The following CRACD variants were observed in gnomAD, a reference collection of about 807,000 sequenced individuals.
The protein encoded by CRACD is capping protein-inhibiting regulator of actin dynamics.
A neutral mutation model predicts 106.8 loss-of-function variants in CRACD; 56 were observed. The ratio of observed to expected loss-of-function variants is 0.52; its 90% confidence interval spans 0.42 to 0.66. CRACD has a LOEUF of 0.66. CRACD is among the 30% of genes least tolerant of loss of function. The pLI, the probability that CRACD is intolerant of heterozygous loss-of-function variation, is 0.00. For synonymous variants in CRACD, 754 were observed against 670.8 expected (o/e 1.12, Z -1.92); for missense variants, 1,730 against 1,623.2 (o/e 1.07, Z -1.13).
intron 2 of CRACD, among the ~76,000 whole-genome samples, chr4:56,240,886 C>T (rs1740329388): frequency 1.3e-5 from 2 of 152,196 alleles, no homozygotes; most frequent in African/African-American, 2.4e-5. Context: ...AGCTGTGCTG[C>T]ACCCCCAAGA....
At chr4:56,110,198 T>C (rs1461178082) in intron 1 of CRACD, among the ~76,000 whole-genome samples, 1 of 152,112 alleles carries the variant, frequency 6.6e-6, no homozygotes, top group Non-Finnish European at 1.5e-5. Context: ...AGTAAAAAAA[T>C]ATAGTAAGAA....
chr4:56,178,438 G>A (rs971797805), intron 1 of CRACD, among the ~76,000 whole-genome samples: 6 of 152,140 alleles, frequency 3.9e-5, no homozygotes, highest in East Asian at 1.9e-4. Flanking sequence ...CCTTAAGATC[G>A]TGGCCTTTCA....
chr4:56,307,016 T>A (rs1051284152), intron 4 of CRACD, among the ~76,000 whole-genome samples: 1 of 152,232 alleles, frequency 6.6e-6, no homozygotes, highest in African/African-American at 2.4e-5. Flanking sequence ...AGCTAAGGGC[T>A]GGTGAGGAAG....
chr4:56,323,580 G>T lies in CRACD; in HGVS notation c.3378+13G>T. The T allele has an allele frequency of 6.5e-7, 1 of 1,531,388 alleles. No homozygotes were observed. The highest frequency in any genetic ancestry group is 8.7e-7 in the Non-Finnish European group (1 of 1,146,664). 94.9% of individuals were successfully genotyped at this position (1,531,388 alleles called of 1,614,324 possible). A position where few individuals can be genotyped will look rare whatever the true frequency, so the allele number is the denominator to read the frequency against. ...CTCCAAAGAAAATGTGAGTAGCCTG[G>T]GCTTCAGCTGTGATTTTGCTTTCCT... On this transcript the variant is annotated intron_variant, in intron 9 of 10. Transcript: ENST00000682029.
chr4:56,161,888 C>T (rs764235567), intron 1 of CRACD, among the ~76,000 whole-genome samples: 14 of 151,754 alleles, frequency 9.2e-5, no homozygotes, highest in Admixed American at 2.0e-4. Flanking sequence ...CTCAGCCTCC[C>T]GATTAGCTGG....
At chr4:56,159,291 A>G (rs1224465524) in intron 1 of CRACD, among the ~76,000 whole-genome samples, 1 of 152,204 alleles carries the variant, frequency 6.6e-6, no homozygotes, top group East Asian at 1.9e-4. Context: ...GGGTCTCTGT[A>G]GTCAGCTATA....
chr4:56,114,801 A>G (rs879601266), intron 1 of CRACD, among the ~76,000 whole-genome samples: 4 of 152,146 alleles, frequency 2.6e-5, no homozygotes, highest in Non-Finnish European at 5.9e-5. Flanking sequence ...ATATTTATAT[A>G]TGTAGTATAT....
chr4:56,093,623 T>C (rs1161080978), intron 1 of CRACD, among the ~76,000 whole-genome samples: 2 of 152,188 alleles, frequency 1.3e-5, no homozygotes, highest in Non-Finnish European at 2.9e-5. Context: ...AAGTCCTGAA[T>C]AGGAATTCTG....
At chr4:56,102,974 C>T (rs899196299) in intron 1 of CRACD, among the ~76,000 whole-genome samples, 3 of 152,198 alleles carry the variant, frequency 2.0e-5, no homozygotes, top group East Asian at 1.9e-4. Flanking sequence ...ATCACAGTTG[C>T]AAGTTTACGT....
At chr4:56,110,547 G>A (rs1734085760) in intron 1 of CRACD, among the ~76,000 whole-genome samples, 2 of 152,052 alleles carry the variant, frequency 1.3e-5, no homozygotes, top group Admixed American at 1.3e-4. Flanking sequence ...AGTCTTCAAG[G>A]GCCATATCAC....
At chr4:56,323,667 A>G (rs888450927) in intron 9 of CRACD, 100 bp downstream of exon 9, 73 of 1,177,174 alleles carry the variant, frequency 6.2e-5, no homozygotes, top group Non-Finnish European at 8.0e-5. Flanking sequence ...GCTGGTGGAA[A>G]GTACTTAGAG....
intron 1 of CRACD, among the ~76,000 whole-genome samples, chr4:56,138,371 C>T (rs1020085605): frequency 3.9e-5 from 6 of 151,952 alleles, no homozygotes; most frequent in South Asian, 2.1e-4. Flanking sequence ...GGCTAAAGCA[C>T]GAAAACTGCT....
At chr4:56,189,520 G>A (rs1737265488) in intron 2 of CRACD, among the ~76,000 whole-genome samples, 1 of 148,618 alleles carries the variant, frequency 6.7e-6, no homozygotes, top group African/African-American at 2.5e-5. Flanking sequence ...TTAGCATTAG[G>A]TATATCTCCT....
At chr4:56,076,537 T>G (rs917942711) in intron 1 of CRACD, among the ~76,000 whole-genome samples, 1 of 152,212 alleles carries the variant, frequency 6.6e-6, no homozygotes, top group Non-Finnish European at 1.5e-5. Context: ...AACATCCAAT[T>G]TGAACCTCAG....
At chr4:56,161,595 G>A (rs896370677) in intron 1 of CRACD, among the ~76,000 whole-genome samples, 2 of 151,634 alleles carry the variant, frequency 1.3e-5, no homozygotes, top group African/African-American at 4.8e-5. Context: ...GGAATTAAAG[G>A]CACCTGCCAC....
At chr4:56,059,437 C>T (rs141832299) in intron 1 of CRACD, among the ~76,000 whole-genome samples, 85 of 152,310 alleles carry the variant, frequency 5.6e-4, no homozygotes, top group Middle Eastern at 3.4e-3. Flanking sequence ...GATTGTGCCA[C>T]TGAACTCCAG....
chr4:56,324,355 G>A (rs1396790436), intron 10 of CRACD, 89 bp downstream of exon 10: 18 of 1,244,922 alleles, frequency 1.4e-5, no homozygotes, highest in Non-Finnish European at 2.0e-5. Context: ...ATGACTAGCA[G>A]AGCACCTCAG....
rs183193187 is a variant in CRACD at position 56,143,637 on chromosome 4, C to T, written c.-335-35647C>T. ...CTTAGGTTTCCTAATTTTGTGTCAT[C>T]CTTGCAGTCTTCAAGTAAACCCATA... On this transcript the variant is annotated intron_variant, in intron 1 of 10. Transcript: ENST00000682029. 7.0e-4 allele frequency among the ~76,000 whole-genome samples: 106 copies of T among 152,150 alleles called. 1 individual carries two copies. Among genetic ancestry groups the T allele is most frequent in the African/African-American group, 2.4e-3 (98 of 41,536 alleles).
At chr4:56,180,047 G>T (rs909150619) in intron 2 of CRACD, among the ~76,000 whole-genome samples, 2 of 151,932 alleles carry the variant, frequency 1.3e-5, no homozygotes, top group Non-Finnish European at 2.9e-5. Flanking sequence ...ATTGTTCATT[G>T]TTTTCTTGCT....
Sources: gnomAD v4.1 joint callset for allele counts (sites outside exome capture counted in the v4.1 genomes callset) on GRCh38, gnomAD v4.1.1 for gene constraint, MANE v1.5 for transcripts, NCBI Gene and HGNC (gene_info 2026-07-23, HGNC 2026-07-21) for gene names.